Variants in DLG2 observed in about 807,000 individuals in gnomAD.
DLG2 encodes disks large homolog 2.
A neutral mutation model predicts 132.5 loss-of-function variants in DLG2; 45 were observed. That is an observed-to-expected ratio of 0.34 (90% CI 0.27 to 0.44). DLG2 has a LOEUF of 0.44. Ranked by LOEUF, DLG2 falls within the 20% of genes least tolerant of loss-of-function variation. The probability of loss-of-function intolerance (pLI) is 1.00; values close to 1 mark genes in which losing one functional copy is unlikely to be tolerated. For missense variants in DLG2, 1,045 were observed against 1,196.9 expected, an observed-to-expected ratio of 0.87 and a Z score of 1.87; for synonymous variants, 424 against 419.6, an observed-to-expected ratio of 1.01 and a Z score of -0.13.
intron 6 of DLG2, among the ~76,000 whole-genome samples, chr11:84,548,054 A>T (rs1473995163): frequency 6.6e-6 from 1 of 152,204 alleles, no homozygotes; most frequent in East Asian, 1.9e-4. Context: ...AGTTCCTTTG[A>T]AAGTTTTCAT....
intron 6 of DLG2, among the ~76,000 whole-genome samples, chr11:84,584,241 T>C (rs1420273201): frequency 2.6e-5 from 4 of 152,212 alleles, no homozygotes; most frequent in African/African-American, 4.8e-5. Flanking sequence ...CGGGCTTAAT[T>C]TGGATTCCTT....
intron 6 of DLG2, among the ~76,000 whole-genome samples, chr11:84,596,984 G>T (rs1275305589): frequency 6.6e-6 from 1 of 152,174 alleles, no homozygotes; most frequent in African/African-American, 2.4e-5. Context: ...AATTTGGGAA[G>T]CTAAGGCGGG....
At chr11:84,594,165 T>G (rs764117519) in intron 6 of DLG2, among the ~76,000 whole-genome samples, 2 of 152,116 alleles carry the variant, frequency 1.3e-5, no homozygotes, top group Non-Finnish European at 2.9e-5. Context: ...GAATGAAACA[T>G]AGGGGAGGGA....
In DLG2 at chr11:85,551,330, GA is replaced by G. The variant is rs576733302; in HGVS notation, c.40+47326del. ...ATATATAATCAGCAATAAACATCGA[GA>G]AAAAAAACTGAGTTCAAAGTAGGTG... On this transcript the variant is annotated intron_variant, in intron 3 of 27. Coordinates refer to ENST00000376104, the MANE Select transcript of DLG2 (RefSeq NM_001142699.3). Among the ~76,000 whole-genome samples the G allele has an allele frequency of 2.4e-4, 37 of 151,766 alleles. No individual in the cohort carries two copies. In the South Asian group the frequency reaches 7.5e-3, roughly 31 times the overall value.
intron 4 of DLG2, among the ~76,000 whole-genome samples, chr11:85,225,325 C>T (rs1343333494): frequency 6.6e-6 from 1 of 152,108 alleles, no homozygotes; most frequent in African/African-American, 2.4e-5. Flanking sequence ...TCATGAAGAT[C>T]CTGTCCCAGC....
chr11:84,423,785 C>T (rs1410661738), intron 7 of DLG2, among the ~76,000 whole-genome samples: 1 of 152,070 alleles, frequency 6.6e-6, no homozygotes, highest in Non-Finnish European at 1.5e-5. Flanking sequence ...GATTCAATTA[C>T]ATAAATTATA....
intron 6 of DLG2, among the ~76,000 whole-genome samples, chr11:84,690,218 C>A (rs2057861933): frequency 6.6e-6 from 1 of 151,764 alleles, no homozygotes; most frequent in Non-Finnish European, 1.5e-5. Flanking sequence ...ATTTATTGCA[C>A]TACATGGTAG....
At chr11:84,893,127 G>A (rs568187545) in intron 6 of DLG2, among the ~76,000 whole-genome samples, 64 of 152,222 alleles carry the variant, frequency 4.2e-4, no homozygotes, top group African/African-American at 1.4e-3. Context: ...GCTCTGGGCT[G>A]GAGCATCCGT....
At chr11:83,994,979 AT>A (rs67876577) in intron 11 of DLG2, among the ~76,000 whole-genome samples, 6,163 of 136,148 alleles carry the variant, frequency 0.045, 134 homozygotes, top group East Asian at 0.16. Flanking sequence ...TTCTGTGTCC[AT>A]TTTTTTTTTT....
chr11:84,352,801 A>G (rs2098587062), intron 7 of DLG2, among the ~76,000 whole-genome samples: 1 of 152,218 alleles, frequency 6.6e-6, no homozygotes, highest in South Asian at 2.1e-4. Flanking sequence ...ATGAAAGAGA[A>G]AAGCAGGACT....
At chr11:83,862,843 G>A (rs1047348083) in intron 16 of DLG2, among the ~76,000 whole-genome samples, 2 of 152,090 alleles carry the variant, frequency 1.3e-5, no homozygotes, top group Non-Finnish European at 2.9e-5. Context: ...TATTCCTTAG[G>A]TCATAGTAGA....
intron 9 of DLG2, among the ~76,000 whole-genome samples, chr11:84,158,461 T>C (rs1291683650): frequency 1.3e-5 from 2 of 152,224 alleles, no homozygotes; most frequent in Admixed American, 1.3e-4. Context: ...GACAGCAGTC[T>C]AATTCAGTGG....
At chr11:84,538,951 G>T (rs372298836) in intron 6 of DLG2, among the ~76,000 whole-genome samples, 2 of 152,064 alleles carry the variant, frequency 1.3e-5, no homozygotes, top group Admixed American at 1.3e-4. Flanking sequence ...TGATATAGCA[G>T]AATTTCTCTG....
intron 18 of DLG2, among the ~76,000 whole-genome samples, chr11:83,763,518 T>C (rs537601623): frequency 2.0e-5 from 3 of 152,308 alleles, no homozygotes; most frequent in South Asian, 4.1e-4. Context: ...CATAAATGCA[T>C]AGAAAAACCC....
At chr11:84,133,027 T>G (rs891738933) in intron 9 of DLG2, among the ~76,000 whole-genome samples, 7 of 152,042 alleles carry the variant, frequency 4.6e-5, no homozygotes, top group Non-Finnish European at 8.8e-5. Context: ...CATCATTGCC[T>G]TTGACCAAAA....
chr11:84,495,746 A>G (rs1401313640), intron 7 of DLG2, among the ~76,000 whole-genome samples: 1 of 152,144 alleles, frequency 6.6e-6, no homozygotes, highest in African/African-American at 2.4e-5. Context: ...ACCTCTAATT[A>G]TGTGGCCTCC....
intron 6 of DLG2, among the ~76,000 whole-genome samples, chr11:84,818,600 A>G (rs1349135616): frequency 6.6e-6 from 1 of 151,934 alleles, no homozygotes; most frequent in Non-Finnish European, 1.5e-5. Flanking sequence ...TGAACCCCTT[A>G]CAAAGCCCTG....
chr11:84,047,323 C>A (rs2096262231), intron 11 of DLG2, among the ~76,000 whole-genome samples: 1 of 151,496 alleles, frequency 6.6e-6, no homozygotes, highest in Non-Finnish European at 1.5e-5. Context: ...AAAAGAAGAA[C>A]ACTTAAAATT....
chr11:85,504,114 T>C (rs1026844523), intron 3 of DLG2, among the ~76,000 whole-genome samples: 16 of 152,290 alleles, frequency 1.1e-4, no homozygotes, highest in South Asian at 6.2e-4. Flanking sequence ...GGATATTAGC[T>C]CTTTGTCAGA....
Sources: gnomAD v4.1 joint callset for allele counts (sites outside exome capture counted in the v4.1 genomes callset) on GRCh38, gnomAD v4.1.1 for gene constraint, MANE v1.5 for transcripts, NCBI Gene and HGNC (gene_info 2026-07-23, HGNC 2026-07-21) for gene names.